SLC39A6: variants seen among roughly 807,000 people sequenced by gnomAD.
SLC39A6 encodes the protein solute carrier family 39 member 6, also known as zinc transporter ZIP6.
A neutral mutation model predicts 63.5 loss-of-function variants in SLC39A6; 51 were observed. The observed-to-expected ratio is 0.80, with a 90% CI of 0.64 to 1.01. The LOEUF (loss-of-function observed/expected upper bound fraction) is 1.01, where lower values mean the gene tolerates loss of function less well. Ranked by LOEUF, SLC39A6 falls within the 50% of genes least tolerant of loss-of-function variation. The pLI is 0.00. For synonymous variants in SLC39A6, 318 were observed against 324.7 expected (o/e 0.98, Z 0.22); for missense variants, 805 against 927.8 (o/e 0.87, Z 1.72).
intron 8 of SLC39A6, 136 bp from the exon 9 acceptor site, chr18:36,111,385 C>T (rs1317319758): frequency 2.7e-6 from 2 of 749,160 alleles, no homozygotes; most frequent in East Asian, 2.7e-5. Flanking sequence ...TTAAGAATGA[C>T]CTAGGGTTAA....
chr18:36,113,197 C>G (rs1056197067), intron 7 of SLC39A6, among the ~76,000 whole-genome samples: 1 of 151,876 alleles, frequency 6.6e-6, no homozygotes, highest in African/African-American at 2.4e-5. Context: ...CGGGCTCAAG[C>G]GTTCCATCTA....
chr18:36,123,478 CA>C lies in SLC39A6; in HGVS notation c.1140+16del. 1 of 1,574,884 alleles carries C rather than the reference CA, an allele frequency of 6.3e-7. No individual in the cohort carries two copies. Among genetic ancestry groups the C allele is most frequent in the Non-Finnish European group, 8.6e-7 (1 of 1,166,666 alleles). On this transcript the variant is annotated intron_variant, in intron 4 of 9. Coordinates refer to ENST00000269187, the MANE Select transcript of SLC39A6 (RefSeq NM_012319.4). ...GTTGAATAATCAAACACTAACAGGACAAATTACTATACTTACATGTGGAAGA... is the reference window on the plus strand; with the variant it reads ...GTTGAATAATCAAACACTAACAGGACAATTACTATACTTACATGTGGAAGA...
At chr18:36,111,009 C>A in intron 9 of SLC39A6, 50 bp downstream of exon 9, 1 of 1,597,604 alleles carries the variant, frequency 6.3e-7, no homozygotes, top group Non-Finnish European at 8.5e-7. Flanking sequence ...CGAATATTTT[C>A]TCTATTTTAT....
chr18:36,118,030 CAAAAAA>C (rs767015166), intron 5 of SLC39A6, among the ~76,000 whole-genome samples: 50 of 90,788 alleles, frequency 5.5e-4, no homozygotes, highest in African/African-American at 1.9e-3. Flanking sequence ...GACTCCATCT[CAAAAAA>C]AAAAAAAAAG....
At chr18:36,118,030 C>CA (rs767015166) in intron 5 of SLC39A6, among the ~76,000 whole-genome samples, 1,786 of 90,614 alleles carry the variant, frequency 0.02, 21 homozygotes, top group African/African-American at 0.027. Flanking sequence ...GACTCCATCT[C>CA]AAAAAAAAAA....
intron 2 of SLC39A6, among the ~76,000 whole-genome samples, chr18:36,125,717 C>T (rs1387795650): frequency 6.6e-6 from 1 of 152,132 alleles, no homozygotes; most frequent in African/African-American, 2.4e-5. Flanking sequence ...CCAACTTTTC[C>T]CTTGTCCAGC....
rs752091123 is a variant in SLC39A6 at position 36,111,083 on chromosome 18, G to A, written c.2091C>T (p.Phe697=). 2 of 1,613,934 alleles carry A rather than the reference G, an allele frequency of 1.2e-6. No homozygotes were observed. Among genetic ancestry groups the A allele is most frequent in the African/African-American group, 2.7e-5 (2 of 75,038 alleles). The change falls in exon 9 of 10, where the codon TTC becomes TTT. Residue 697 remains phenylalanine (F), a synonymous_variant. Transcript: ENST00000269187. ...MWIFALTAGL[F]MYVALVDMVP... ...CCATATCAACCAGAGCAACATACAT[G>A]AATAAGCCAGCAGTAAGTGCAAATA...
At position 36,116,720 on chromosome 18, in the gene SLC39A6, A is replaced by G; in HGVS notation, c.1419T>C (p.Tyr473=). 1 of 1,613,368 alleles carries G rather than the reference A, an allele frequency of 6.2e-7. No individual in the cohort carries two copies. Among genetic ancestry groups the G allele is most frequent in the Non-Finnish European group, 8.5e-7 (1 of 1,179,626 alleles). ...DVEIKKQLSK[Y]ESQLSTNEEK... Reference sequence around the variant, plus strand: ...CCTCATTTGTTGAAAGTTGAGATTCATACTTGGACAACTGCTTCTTAATCT... The same window carrying G: ...CCTCATTTGTTGAAAGTTGAGATTCGTACTTGGACAACTGCTTCTTAATCT... Residue 473 remains tyrosine, a synonymous_variant, in exon 6 of 10, where the codon TAT becomes TAC. Transcript: ENST00000269187.
In SLC39A6 at chr18:36,123,567, A is replaced by G; in HGVS notation, c.1068T>C (p.Phe356=). The G allele has an allele frequency of 6.2e-7, 1 of 1,613,854 alleles. No individual in the cohort carries two copies. Among genetic ancestry groups the G allele is most frequent in the South Asian group, 1.1e-5 (1 of 91,026 alleles). The change falls in exon 4 of 10, where the codon TTT becomes TTC. Residue 356 remains phenylalanine (F), a synonymous_variant. Coordinates refer to ENST00000269187, the MANE Select transcript of SLC39A6 (RefSeq NM_012319.4). ...CCAGTGCCACAAGGAAACTCAGGAG[A>G]AATTTGAAAAACACCCGATTCATGA... ...VPLMNRVFFK[F]LLSFLVALAV...
rs752464638 is a variant in SLC39A6, at chr18:36,126,749, T to C, written c.259A>G (p.Ile87Val). 8.7e-6 allele frequency: 14 copies of C among 1,614,096 alleles called. No individual in the cohort carries two copies. Among genetic ancestry groups the C allele is most frequent in the African/African-American group, 1.3e-5 (1 of 74,948 alleles). The change falls in exon 2 of 10, where the codon ATT (isoleucine) becomes GTT (valine). Residue 87 changes from isoleucine to valine, a missense_variant. By Grantham distance (29) the Ile-to-Val change is conservative (BLOSUM62 3). This residue lies in a region of SLC39A6 where 639 missense variants were observed against 644.0 expected (regional missense o/e 0.99). Transcript: ENST00000269187. ...KLLQNIGIDK[I>V]KRIHIHHDHD... ...TCATGGTGTATATGGATTCTTTTAA[T>C]CTTATCTATGCCTATATTTTGAAGT...
Position 36,109,519 on chromosome 18 carries a change from C to T in SLC39A6, c.*74G>A. On this transcript the variant is annotated 3_prime_UTR_variant, in exon 10 of 10. Transcript: ENST00000269187. ...TAACTTTAAACGCTGCATAGTACAG[C>T]ATACAAACTCATCTCCCTATGACCT... 3 of 1,180,948 alleles carry T rather than the reference C, an allele frequency of 2.5e-6. No homozygotes were observed. The highest frequency in any genetic ancestry group is 3.7e-6 in the Non-Finnish European group (3 of 815,350). 73.2% of individuals were successfully genotyped at this position (1,180,948 alleles called of 1,614,324 possible).
chr18:36,123,687 G>A (rs1397940838), intron 3 of SLC39A6, 23 bp from the exon 4 acceptor site: 13 of 1,573,076 alleles, frequency 8.3e-6, no homozygotes, highest in Non-Finnish European at 1.0e-5. Flanking sequence ...ACAAAACAGA[G>A]CAAAGAAAAA....
intron 8 of SLC39A6, among the ~76,000 whole-genome samples, 164 bp downstream of exon 8, chr18:36,112,337 T>C (rs535814856): frequency 6.6e-6 from 1 of 152,368 alleles, no homozygotes; most frequent in Admixed American, 6.5e-5. Flanking sequence ...CTTATTCACC[T>C]TGTGTGTATG....
At chr18:36,110,821 C>T (rs1256947361) in intron 9 of SLC39A6, among the ~76,000 whole-genome samples, 1 of 151,992 alleles carries the variant, frequency 6.6e-6, no homozygotes, top group Admixed American at 6.6e-5. Context: ...GACTAACAGG[C>T]ATGAGCCACC....
intron 5 of SLC39A6, among the ~76,000 whole-genome samples, chr18:36,117,034 C>T (rs370930944): frequency 4.3e-4 from 65 of 152,278 alleles, no homozygotes; most frequent in East Asian, 3.3e-3. Context: ...GTCAGGAGTT[C>T]GAGACCAGCC....
chr18:36,124,744 T>C (rs765172668), intron 2 of SLC39A6, 44 bp from the exon 3 acceptor site: 4 of 1,432,688 alleles, frequency 2.8e-6, no homozygotes, highest in Admixed American at 3.7e-5. Flanking sequence ...GCCATCCCCA[T>C]TAGAGTAGTC....
In SLC39A6 at chr18:36,112,701, C is replaced by A. The variant is rs75079607; in HGVS notation, c.1844-120G>T. Reference sequence around the variant, plus strand: ...TTGGCTGTGAATGAATAGAAGTTTCCCAAACCAACTCTGTATCTTCTTTGT... The same window carrying A: ...TTGGCTGTGAATGAATAGAAGTTTCACAAACCAACTCTGTATCTTCTTTGT... On this transcript the variant is annotated intron_variant, in intron 7 of 9. Coordinates refer to ENST00000269187, the MANE Select transcript of SLC39A6 (RefSeq NM_012319.4). 365 of 700,690 alleles carry A rather than the reference C, an allele frequency of 5.2e-4. 2 individuals are homozygous for A. The African/African-American group carries it at 5.7e-3, about 11-fold the overall frequency. The allele number at this position is 700,690 out of a possible 1,614,324, so 43.4% of individuals were successfully genotyped here.
rs145149413 is a variant in SLC39A6, at chr18:36,124,440, T to C, written c.970+80A>G. ...ATTCAGAATTGTACTGGAAAACAAA[T>C]AGGCTGATGCAAATCTAAGGAAAAG... On this transcript the variant is annotated intron_variant, in intron 3 of 9. Coordinates refer to ENST00000269187, the MANE Select transcript of SLC39A6 (RefSeq NM_012319.4). 641 of 877,742 alleles carry C rather than the reference T, an allele frequency of 7.3e-4. 1 individual carries two copies. The African/African-American group carries it at 9.4e-3, about 13-fold the overall frequency. The allele number at this position is 877,742 out of a possible 1,614,324, so 54.4% of individuals were successfully genotyped here. A position where few individuals can be genotyped will look rare whatever the true frequency, so the allele number is the denominator to read the frequency against.
intron 5 of SLC39A6, among the ~76,000 whole-genome samples, chr18:36,118,745 A>C (rs2089368100): frequency 6.6e-6 from 1 of 152,226 alleles, no homozygotes. Flanking sequence ...GTGCAACCTC[A>C]TCATATTTTC....
Sources: allele counts gnomAD v4.1 joint callset (sites outside exome capture counted in the v4.1 genomes callset), GRCh38; gene constraint gnomAD v4.1.1; regional missense constraint gnomAD v4.1.1; transcripts MANE v1.5; gene names NCBI Gene and HGNC (gene_info 2026-07-23, HGNC 2026-07-21).